The following AKR1C3 variants were observed in gnomAD, a reference collection of about 807,000 sequenced individuals.
The protein encoded by AKR1C3 is aldo-keto reductase family 1 member C3.
Under a neutral mutation model 43.6 loss-of-function variants are expected in AKR1C3, and 48 were observed. That is an observed-to-expected ratio of 1.10 (90% CI 0.87 to 1.40). The LOEUF (loss-of-function observed/expected upper bound fraction) is 1.40. Ranked by LOEUF, AKR1C3 falls within the 40% of genes most tolerant of loss-of-function variation. The pLI, the probability that AKR1C3 is intolerant of heterozygous loss-of-function variation, is 0.00. For missense variants in AKR1C3, 482 were observed against 391.2 expected (o/e 1.23, Z -1.96); for synonymous variants, 162 against 139.6 (o/e 1.16, Z -1.13).
At position 5,097,703 on chromosome 10, in the gene AKR1C3, G is replaced by C. The variant is rs527951734; in HGVS notation, c.369+153G>C. ...TGGAACACCTAATTTCCTTTCTTTC[G>C]AGTAAATTTTGAATCCTACTTCTCT... On this transcript the variant is annotated intron_variant, in intron 3 of 8. Coordinates refer to ENST00000380554, the MANE Select transcript of AKR1C3 (RefSeq NM_003739.6). 27 of 1,479,136 alleles carry C rather than the reference G, an allele frequency of 1.8e-5. No individual in the cohort carries two copies. The South Asian group carries it at 3.1e-4, about 17-fold the overall frequency. 91.6% of individuals were successfully genotyped at this position (1,479,136 alleles called of 1,614,324 possible).
intron 1 of AKR1C3, chr10:5,082,016 G>C (rs1198757859): frequency 6.9e-6 from 1 of 144,494 alleles, no homozygotes; most frequent in Admixed American, 6.7e-5. Flanking sequence ...TGTCTTAGAA[G>C]GATCATTGTA....
At chr10:5,089,405 A>G (rs1337752007) in intron 1 of AKR1C3, among the ~76,000 whole-genome samples, 1 of 152,120 alleles carries the variant, frequency 6.6e-6, no homozygotes, top group Non-Finnish European at 1.5e-5. Context: ...ATGGCTTTAT[A>G]TAATCCCATA....
intron 1 of AKR1C3, among the ~76,000 whole-genome samples, chr10:5,095,483 A>T (rs1286140062): frequency 1.7e-3 from 184 of 111,124 alleles, no homozygotes; most frequent in African/African-American, 4.3e-3. Context: ...AAAAAGATTT[A>T]AAAAAAAAAA....
intron 1 of AKR1C3, among the ~76,000 whole-genome samples, chr10:5,061,757 C>T (rs1159043864): frequency 1.3e-5 from 2 of 152,108 alleles, no homozygotes; most frequent in East Asian, 1.9e-4. Context: ...ACTACCAACC[C>T]ATCTTTAGAA....
At chr10:5,077,602 G>T in intron 1 of AKR1C3, 1 of 947,482 alleles carries the variant, frequency 1.1e-6, no homozygotes, top group South Asian at 4.9e-5. Context: ...CATTAAAGTT[G>T]ATTTAATTGC....
rs546520427 is a variant in AKR1C3, at chr10:5,052,914, C to A, written c.84+4019C>A. Among the ~76,000 whole-genome samples, 14 of 152,110 alleles carry A rather than the reference C, an allele frequency of 9.2e-5. No individual in the cohort carries two copies. The South Asian group carries it at 2.9e-3, about 32-fold the overall frequency. On this transcript the variant is annotated intron_variant, in intron 1 of 8. Transcript: ENST00000439082. ...GTGTATTTACAATCCCTTAGCTAGA[C>A]ATAAAGGTTCTCCAAGTCCCCACCA...
rs2154304 is a variant in AKR1C3, at chr10:5,053,202, G to A, written c.84+4307G>A. Among the ~76,000 whole-genome samples the A allele has an allele frequency of 7.8e-3, 1,193 of 152,216 alleles. 17 individuals are homozygous for A. The highest frequency in any genetic ancestry group is 0.024 in the African/African-American group (992 of 41,538). ...TGGGTGCCGTGGAGCAGGGGGCAGCGCTCGTCAGGGAGGCTCCAGCCACAC... is the reference window on the plus strand; with the variant it reads ...TGGGTGCCGTGGAGCAGGGGGCAGCACTCGTCAGGGAGGCTCCAGCCACAC... On this transcript the variant is annotated intron_variant, in intron 1 of 8. Transcript: ENST00000439082.
chr10:5,104,741 A>ATATATCATTAATT, intron 7 of AKR1C3, among the ~76,000 whole-genome samples: 1 of 152,248 alleles, frequency 6.6e-6, no homozygotes, highest in South Asian at 2.1e-4. Flanking sequence ...CTTTTAATAT[A>ATATATCATTAATT]TATATCATTA....
intron 1 of AKR1C3, among the ~76,000 whole-genome samples, chr10:5,080,163 GTTAAGATGTGGAGTAAGAACATC>G (rs1342436121): frequency 3.0e-5 from 3 of 99,734 alleles, no homozygotes; most frequent in East Asian, 3.0e-4. Flanking sequence ...AGAGCGTCTG[GTTAAGATGTGGAGTAAGAACATC>G]TTAAGATGTG....
At chr10:5,077,895 A>C (rs1393219089) in intron 1 of AKR1C3, 1 of 617,106 alleles carries the variant, frequency 1.6e-6, no homozygotes, top group East Asian at 3.0e-5. Context: ...TCTTTGAATC[A>C]TCAGAATCAT....
chr10:5,101,137 C>A (rs1839338848), intron 5 of AKR1C3, among the ~76,000 whole-genome samples: 1 of 152,056 alleles, frequency 6.6e-6, no homozygotes, highest in Non-Finnish European at 1.5e-5. Flanking sequence ...TTATAGTGCT[C>A]CCTTTTAAAA....
At chr10:5,049,058 A>G (rs782489758) in intron 1 of AKR1C3, among the ~76,000 whole-genome samples, 1 of 152,112 alleles carries the variant, frequency 6.6e-6, no homozygotes, top group Non-Finnish European at 1.5e-5. Context: ...GAAAAAGTCA[A>G]CCTTTGTTGT....
intron 1 of AKR1C3, among the ~76,000 whole-genome samples, chr10:5,068,281 T>C (rs898907370): frequency 4.6e-5 from 7 of 152,144 alleles, no homozygotes; most frequent in African/African-American, 1.7e-4. Context: ...CTAAAGAAGA[T>C]TGAACATCAT....
intron 1 of AKR1C3, among the ~76,000 whole-genome samples, chr10:5,058,442 G>C (rs527349663): frequency 9.2e-5 from 14 of 152,260 alleles, no homozygotes; most frequent in African/African-American, 3.4e-4. Context: ...TCTTTTTCAG[G>C]GTTTGTGGGT....
chr10:5,064,961 G>C (rs533394277), intron 1 of AKR1C3, among the ~76,000 whole-genome samples: 1 of 149,220 alleles, frequency 6.7e-6, no homozygotes, highest in South Asian at 2.1e-4. Flanking sequence ...TACATGAACA[G>C]ATGTTTTTTA....
In AKR1C3 at chr10:5,104,943, TTCTC is replaced by T. The variant is rs1216127071; in HGVS notation, c.847-643_847-640del. Among the ~76,000 whole-genome samples, 283 of 152,178 alleles carry T rather than the reference TTCTC, an allele frequency of 1.9e-3. 1 individual carries two copies. Among genetic ancestry groups the T allele is most frequent in the African/African-American group, 6.2e-3 (259 of 41,532 alleles). ...ATTGTTAACTTGTTCATGTTTTTTA[TTCTC>T]TCTCTCTCATTCTCTGTATCACTAT... On this transcript the variant is annotated intron_variant, in intron 7 of 8. Transcript: ENST00000380554.
chr10:5,092,330 C>G (rs1839110767), upstream of AKR1C3, among the ~76,000 whole-genome samples: 4 of 152,056 alleles, frequency 2.6e-5, no homozygotes, highest in African/African-American at 9.6e-5. Flanking sequence ...ATGTCTGTTG[C>G]CAATTTGAGA....
chr10:5,057,257 G>T (rs1554779698), intron 1 of AKR1C3, among the ~76,000 whole-genome samples: 1 of 152,156 alleles, frequency 6.6e-6, no homozygotes, highest in East Asian at 1.9e-4. Context: ...TGATGGGCCT[G>T]CTCCATTTTC....
At chr10:5,080,032 A>G (rs1383818421) in intron 1 of AKR1C3, among the ~76,000 whole-genome samples, 3 of 152,210 alleles carry the variant, frequency 2.0e-5, no homozygotes, top group Admixed American at 6.5e-5. Context: ...GACAATGGCA[A>G]TGAAGGAATT....
Sources: allele counts gnomAD v4.1 joint callset (sites outside exome capture counted in the v4.1 genomes callset), GRCh38; gene constraint gnomAD v4.1.1; transcripts MANE v1.5; gene names NCBI Gene and HGNC (gene_info 2026-07-23, HGNC 2026-07-21).